The following LRCH3 variants were observed in gnomAD, a reference collection of about 807,000 sequenced individuals.
LRCH3 encodes leucine rich repeats and calponin homology domain containing 3.
A neutral mutation model predicts 104.5 loss-of-function variants in LRCH3; 68 were observed. The observed-to-expected ratio is 0.65, with a 90% CI of 0.54 to 0.80. The LOEUF (loss-of-function observed/expected upper bound fraction) is 0.80, where lower values mean the gene tolerates loss of function less well. Ranked by LOEUF, LRCH3 falls within the 30% of genes least tolerant of loss-of-function variation. LRCH3 has a pLI of 0.00. For missense variants in LRCH3, 951 were observed against 953.9 expected (o/e 1.00, Z 0.04); for synonymous variants, 344 against 361.3 (o/e 0.95, Z 0.54).
chr3:197,846,466 G>A (rs1352250075), intron 10 of LRCH3, among the ~76,000 whole-genome samples: 2 of 151,508 alleles, frequency 1.3e-5, no homozygotes, highest in African/African-American at 2.4e-5. Flanking sequence ...GGAGGCTGAG[G>A]TGGGAGGATG....
rs771179051 is a variant in LRCH3, at chr3:197,791,289, C to T, written c.11C>T (p.Ala4Val). The change falls in exon 1 of 21, where the codon GCG becomes GTG. Residue 4 changes from alanine (A) to valine (V), a missense_variant. Transcript: ENST00000425562. MAA[A>V]GLVAVAAAAE... ...GTTGTCGGCTGGGAAATGGCGGCCG[C>T]GGGCTTGGTCGCTGTGGCAGCGGCT... 16 of 1,608,202 alleles carry T rather than the reference C, an allele frequency of 9.9e-6. No homozygotes were observed. The highest frequency in any genetic ancestry group is 5.5e-5 in the South Asian group (5 of 90,542).
intron 1 of LRCH3, among the ~76,000 whole-genome samples, chr3:197,793,238 A>G (rs1200868683): frequency 6.6e-6 from 1 of 152,264 alleles, no homozygotes; most frequent in African/African-American, 2.4e-5. Flanking sequence ...TTCTTTCCAA[A>G]GAAACTTTTG....
At chr3:197,795,724 GCT>G (rs1731139011) in intron 1 of LRCH3, among the ~76,000 whole-genome samples, 1 of 116,038 alleles carries the variant, frequency 8.6e-6, no homozygotes, top group Non-Finnish European at 1.6e-5. Context: ...ATGGAGTCTC[GCT>G]CTGTCACCCA....
At chr3:197,874,031 A>G (rs1239259640) in intron 19 of LRCH3, among the ~76,000 whole-genome samples, 1 of 151,914 alleles carries the variant, frequency 6.6e-6, no homozygotes, top group Non-Finnish European at 1.5e-5. Context: ...AAAGAAAAAA[A>G]AAAAAAAAAA....
At chr3:197,879,474 G>C (rs35019169) in intron 20 of LRCH3, among the ~76,000 whole-genome samples, 6 of 150,994 alleles carry the variant, frequency 4.0e-5, no homozygotes, top group East Asian at 1.9e-4. Flanking sequence ...GTGAAACCCC[G>C]TCTCTACTAA....
In LRCH3 at chr3:197,810,295, T is replaced by C. The variant is rs1421166081; in HGVS notation, c.263-4613T>C. 6.6e-6 allele frequency among the ~76,000 whole-genome samples: 1 copy of C among 152,190 alleles called. No individual in the cohort carries two copies. The highest frequency in any genetic ancestry group is 2.4e-5 in the African/African-American group (1 of 41,458). On this transcript the variant is annotated intron_variant, in intron 1 of 20. Transcript: ENST00000425562. The surrounding 1 kb of genome is among the most constrained non-coding windows in gnomAD (Gnocchi z 4.0). ...CCTCAGCCTCCTGAGTAGCTGAGAT[T>C]ACAGGTGCTCACGACCATGCCCAGC...
At chr3:197,863,728 T>C (rs1741143276) in intron 15 of LRCH3, among the ~76,000 whole-genome samples, 1 of 152,200 alleles carries the variant, frequency 6.6e-6, no homozygotes, top group Non-Finnish European at 1.5e-5. Flanking sequence ...GGTCAATGAA[T>C]TGAAAATGTC....
chr3:197,864,358 A>G (rs1038340056), intron 15 of LRCH3, among the ~76,000 whole-genome samples: 3 of 150,392 alleles, frequency 2.0e-5, no homozygotes, highest in African/African-American at 7.5e-5. Flanking sequence ...CTGTAATCCC[A>G]GCACTTTGGG....
intron 1 of LRCH3, among the ~76,000 whole-genome samples, chr3:197,795,625 C>T (rs991612093): frequency 2.7e-5 from 4 of 146,372 alleles, no homozygotes; most frequent in Non-Finnish European, 6.0e-5. Flanking sequence ...TATCTCTGTA[C>T]TTTCAAATTA....
chr3:197,875,991 A>T (rs2109549058), intron 20 of LRCH3: 1 of 361,198 alleles, frequency 2.8e-6, no homozygotes, highest in South Asian at 8.0e-5. Context: ...AGATTGAAAT[A>T]AGTATAAGTA....
At chr3:197,840,827 T>G (rs1287252171) in intron 10 of LRCH3, among the ~76,000 whole-genome samples, 1 of 152,242 alleles carries the variant, frequency 6.6e-6, no homozygotes, top group African/African-American at 2.4e-5. Flanking sequence ...TCTTTTCAGT[T>G]GCCACGTGTC....
Position 197,888,318 on chromosome 3 carries a change from T to C in LRCH3, c.*4652T>C, listed in dbSNP as rs1452183676. On this transcript the variant is annotated 3_prime_UTR_variant, in exon 21 of 21. Transcript: ENST00000425562. ...TCCTGTATTTTTGTCTGTAAATATA[T>C]TGCATAAGTTCTAAGTATAAATATG... 2 of 152,258 alleles carry C rather than the reference T, an allele frequency of 1.3e-5. No individual in the cohort carries two copies. The highest frequency in any genetic ancestry group is 4.8e-5 in the African/African-American group (2 of 41,472). The allele number at this position is 152,258 out of a possible 1,614,324, so 9.4% of individuals were successfully genotyped here.
intron 10 of LRCH3, among the ~76,000 whole-genome samples, chr3:197,845,456 T>C (rs1738527527): frequency 6.6e-6 from 1 of 151,358 alleles, no homozygotes; most frequent in South Asian, 2.1e-4. Flanking sequence ...AGAAAGAAGA[T>C]TTAAAGGAGA....
intron 6 of LRCH3, 112 bp from the exon 7 acceptor site, chr3:197,830,657 TA>T: frequency 1.3e-6 from 1 of 782,808 alleles, no homozygotes; most frequent in Non-Finnish European, 2.1e-6. Context: ...CATTTAGTTC[TA>T]ATAGTTAAGT....
chr3:197,835,117 C>G (rs928476923), intron 8 of LRCH3, among the ~76,000 whole-genome samples: 2 of 152,086 alleles, frequency 1.3e-5, no homozygotes, highest in African/African-American at 4.8e-5. Flanking sequence ...GCACTGCAGC[C>G]TGGATGACAA....
At chr3:197,803,607 G>C (rs1199591847) in intron 1 of LRCH3, among the ~76,000 whole-genome samples, 1 of 151,762 alleles carries the variant, frequency 6.6e-6, no homozygotes, top group East Asian at 1.9e-4. Flanking sequence ...GGAGGTTGCA[G>C]TGAGCTGAGA....
chr3:197,875,217 A>T (rs1421044872), intron 19 of LRCH3, among the ~76,000 whole-genome samples: 1 of 152,064 alleles, frequency 6.6e-6, no homozygotes, highest in African/African-American at 2.4e-5. Context: ...GGCGTGAGCC[A>T]CCGCACCTGG....
At chr3:197,824,850 G>C (rs926652638) in intron 4 of LRCH3, among the ~76,000 whole-genome samples, 1 of 152,104 alleles carries the variant, frequency 6.6e-6, no homozygotes, top group Non-Finnish European at 1.5e-5. Context: ...GATTACAGGC[G>C]TGAGCCACTG....
rs1399040847 is a variant in LRCH3 at position 197,866,100 on chromosome 3, A to T, written c.1766-12A>T. On this transcript the variant is annotated splice_polypyrimidine_tract_variant and intron_variant, in intron 16 of 20. Coordinates refer to ENST00000425562, the MANE Select transcript of LRCH3 (RefSeq NM_001365715.1). ...CTCCTTTAATCTCATTTTATTTTTCATGCTAATTTAGTTCATCATTCCCCT... is the reference window on the plus strand; with the variant it reads ...CTCCTTTAATCTCATTTTATTTTTCTTGCTAATTTAGTTCATCATTCCCCT... 6.3e-7 allele frequency: 1 copy of T among 1,575,138 alleles called. No individual in the cohort carries two copies. Among genetic ancestry groups the T allele is most frequent in the Non-Finnish European group, 8.7e-7 (1 of 1,145,148 alleles).
Sources: allele counts gnomAD v4.1 joint callset (sites outside exome capture counted in the v4.1 genomes callset), GRCh38; gene constraint gnomAD v4.1.1; non-coding constraint Gnocchi (gnomAD v3.1); transcripts MANE v1.5; gene names NCBI Gene and HGNC (gene_info 2026-07-23, HGNC 2026-07-21).